Variants in PRUNE2 observed in about 807,000 individuals in gnomAD.
The protein encoded by PRUNE2 is prune homolog 2 with BCH domain.
A neutral mutation model predicts 252.0 loss-of-function variants in PRUNE2; 164 were observed. The observed-to-expected ratio is 0.65, with a 90% CI of 0.57 to 0.74. The LOEUF is 0.74. Among genes scored for constraint, PRUNE2 ranks in the 30% least tolerant of loss-of-function variants. The probability of loss-of-function intolerance (pLI) is 0.00; values close to 1 mark genes in which losing one functional copy is unlikely to be tolerated. For synonymous variants in PRUNE2, 1,292 were observed against 1,350.2 expected (o/e 0.96, Z 0.94); for missense variants, 3,495 against 3,711.0 (o/e 0.94, Z 1.51).
At chr9:76,656,970 CCAAA>C (rs1259840214) in intron 9 of PRUNE2, among the ~76,000 whole-genome samples, 1 of 152,114 alleles carries the variant, frequency 6.6e-6, no homozygotes, top group Non-Finnish European at 1.5e-5. Context: ...ACAACCTGTG[CCAAA>C]CAGAGATACA....
intron 1 of PRUNE2, among the ~76,000 whole-genome samples, chr9:76,863,595 G>T (rs2060671999): frequency 6.6e-6 from 1 of 152,198 alleles, no homozygotes; most frequent in Non-Finnish European, 1.5e-5. Flanking sequence ...CATTAAGTAT[G>T]CAATAAGCAT....
At position 76,704,030 on chromosome 9, in the gene PRUNE2, T is replaced by A; in HGVS notation, c.7583A>T (p.Lys2528Ile). The A allele has an allele frequency of 6.2e-7, 1 of 1,613,570 alleles. No individual in the cohort carries two copies. Among genetic ancestry groups the A allele is most frequent in the Non-Finnish European group, 8.5e-7 (1 of 1,179,752 alleles). ...ACATCTTTCTTCCTTGTATTCTGATTTTATCTGCTCAGGCTCTTTGGTAGG... is the reference window on the plus strand; with the variant it reads ...ACATCTTTCTTCCTTGTATTCTGATATTATCTGCTCAGGCTCTTTGGTAGG... ...TIPTKEPEQI[K>I]SEYKEERCTE... Residue 2528 changes from lysine (K) to isoleucine (I), a missense_variant, in exon 9 of 19, where the codon AAA becomes ATA. Lys to Ile is a moderately radical substitution (Grantham distance 102, BLOSUM62 -3). Coordinates refer to ENST00000376718, the MANE Select transcript of PRUNE2 (RefSeq NM_015225.3).
chr9:76,777,833 T>G (rs1220951976), intron 6 of PRUNE2, among the ~76,000 whole-genome samples: 2 of 152,190 alleles, frequency 1.3e-5, no homozygotes, highest in African/African-American at 4.8e-5. Flanking sequence ...GAGCAGAGAA[T>G]TGAAATAAGT....
chr9:76,644,658 A>G, intron 12 of PRUNE2, 81 bp downstream of exon 12: 1 of 1,324,568 alleles, frequency 7.5e-7, no homozygotes, highest in South Asian at 1.2e-5. Flanking sequence ...CATGTTCCGG[A>G]GAAGTCTAGA....
At chr9:76,658,598 T>A (rs1174027308) in intron 9 of PRUNE2, among the ~76,000 whole-genome samples, 1 of 152,224 alleles carries the variant, frequency 6.6e-6, no homozygotes, top group African/African-American at 2.4e-5. Flanking sequence ...CCTCTCAAGA[T>A]CTGTTAGGTA....
In PRUNE2 at chr9:76,895,931, G is replaced by T. The variant is rs549681268; in HGVS notation, c.36+9997C>A. On this transcript the variant is annotated intron_variant, in intron 1 of 18. Coordinates refer to ENST00000376718, the MANE Select transcript of PRUNE2 (RefSeq NM_015225.3). ...CCTGAGTAGCTGGGACTACAGGTGT[G>T]TGCCACCACTAATTTTTGTATTTTT... Among the ~76,000 whole-genome samples the T allele has an allele frequency of 3.9e-5, 6 of 152,142 alleles. No individual in the cohort carries two copies. In the East Asian group the frequency reaches 1.2e-3, roughly 29 times the overall value.
At chr9:76,775,364 A>G (rs957508222) in intron 6 of PRUNE2, among the ~76,000 whole-genome samples, 4 of 152,102 alleles carry the variant, frequency 2.6e-5, no homozygotes, top group African/African-American at 9.7e-5. Context: ...TTGCACGATC[A>G]CAGTTCACTG....
chr9:76,905,737 A>G (rs1315695504), intron 1 of PRUNE2, among the ~76,000 whole-genome samples, 191 bp downstream of exon 1: 1 of 152,120 alleles, frequency 6.6e-6, no homozygotes, highest in East Asian at 1.9e-4. Flanking sequence ...GTTGCGGTGG[A>G]GGATTCTGGA....
intron 6 of PRUNE2, among the ~76,000 whole-genome samples, chr9:76,806,195 G>A (rs1232807874): frequency 2.0e-5 from 3 of 152,176 alleles, no homozygotes; most frequent in African/African-American, 7.2e-5. Flanking sequence ...GTCAGAAACT[G>A]TAAGAGTGGG....
Position 76,825,230 on chromosome 9 carries a change from C to G in PRUNE2, c.661+1350G>C, listed in dbSNP as rs569821476. Among the ~76,000 whole-genome samples, 26 of 152,320 alleles carry G rather than the reference C, an allele frequency of 1.7e-4. No homozygotes were observed. In the South Asian group the frequency reaches 1.9e-3, roughly 11 times the overall value. ...ACAAATCCTGATTTGTAGTGTTTGT[C>G]AATTTCAGGGATCTAAATACTCCTA... On this transcript the variant is annotated intron_variant, in intron 5 of 18. Transcript: ENST00000376718.
At chr9:76,879,055 A>G (rs958561918) in intron 1 of PRUNE2, among the ~76,000 whole-genome samples, 1 of 152,222 alleles carries the variant, frequency 6.6e-6, no homozygotes, top group African/African-American at 2.4e-5. Flanking sequence ...AAGCCTGTGC[A>G]TAGGAAAGCA....
intron 15 of PRUNE2, among the ~76,000 whole-genome samples, chr9:76,635,248 A>T (rs182070410): frequency 4.9e-4 from 74 of 152,316 alleles, no homozygotes; most frequent in Middle Eastern, 3.4e-3. Context: ...CTGGGATTAC[A>T]GGTGTGAGCC....
At chr9:76,741,994 G>T (rs2135572166) in intron 6 of PRUNE2, among the ~76,000 whole-genome samples, 1 of 152,180 alleles carries the variant, frequency 6.6e-6, no homozygotes, top group Non-Finnish European at 1.5e-5. Flanking sequence ...AACATAATTG[G>T]TATACATCTG....
intron 2 of PRUNE2, 104 bp downstream of exon 2, chr9:76,854,000 A>G (rs2060105584): frequency 1.8e-6 from 1 of 564,854 alleles, no homozygotes; most frequent in African/African-American, 1.9e-5. Context: ...ATATCAGAAC[A>G]TTAAAAATTA....
At chr9:76,823,807 T>C in intron 5 of PRUNE2, 81 bp from the exon 6 acceptor site, 1 of 807,360 alleles carries the variant, frequency 1.2e-6, no homozygotes, top group South Asian at 1.6e-5. Context: ...TTTTGAAGAA[T>C]TTACTCTGTA....
At chr9:76,641,778 C>T (rs184325362) in intron 12 of PRUNE2, among the ~76,000 whole-genome samples, 73 of 152,018 alleles carry the variant, frequency 4.8e-4, no homozygotes, top group Non-Finnish European at 6.9e-4. Context: ...GAAGCAAGGA[C>T]GCAAACCTTA....
At chr9:76,818,453 G>A (rs1443247731) in intron 6 of PRUNE2, among the ~76,000 whole-genome samples, 5 of 152,170 alleles carry the variant, frequency 3.3e-5, no homozygotes, top group Non-Finnish European at 7.3e-5. Flanking sequence ...CCCCTGGGCA[G>A]TACTCCAAGG....
intron 6 of PRUNE2, among the ~76,000 whole-genome samples, chr9:76,720,248 G>A (rs1382612926): frequency 2.6e-5 from 4 of 151,984 alleles, no homozygotes; most frequent in Admixed American, 2.0e-4. Context: ...CAAATAATAC[G>A]TATTGAATTC....
At chr9:76,688,371 T>TC (rs1158550448) in intron 9 of PRUNE2, among the ~76,000 whole-genome samples, 1 of 152,214 alleles carries the variant, frequency 6.6e-6, no homozygotes, top group African/African-American at 2.4e-5. Flanking sequence ...CCAAGTCGGC[T>TC]CTGTCTTGTT....
Sources: gnomAD v4.1 joint callset for allele counts (sites outside exome capture counted in the v4.1 genomes callset) on GRCh38, gnomAD v4.1.1 for gene constraint, MANE v1.5 for transcripts, NCBI Gene and HGNC (gene_info 2026-07-23, HGNC 2026-07-21) for gene names.